ZNF254: variants seen among roughly 807,000 people sequenced by gnomAD.
ZNF254 encodes zinc finger protein 254.
A neutral mutation model predicts 12.4 loss-of-function variants in ZNF254; 10 were observed. That is an observed-to-expected ratio of 0.80 (90% CI 0.50 to 1.36). The LOEUF (loss-of-function observed/expected upper bound fraction) is 1.36, where lower values mean the gene tolerates loss of function less well. Ranked by LOEUF, ZNF254 falls within the 40% of genes most tolerant of loss-of-function variation. The pLI, the probability that ZNF254 is intolerant of heterozygous loss-of-function variation, is 0.00. For synonymous variants in ZNF254, 305 were observed against 253.4 expected (o/e 1.20, Z -1.93); for missense variants, 996 against 763.9 (o/e 1.30, Z -3.58).
chr19:24,045,944 T>A lies in ZNF254; in HGVS notation c.-189-240T>A, dbSNP rs544871236. 2.0e-3 allele frequency among the ~76,000 whole-genome samples: 308 copies of A among 152,212 alleles called. 1 individual carries two copies. Among genetic ancestry groups the A allele is most frequent in the African/African-American group, 7.2e-3 (299 of 41,532 alleles). On this transcript the variant is annotated intron_variant, in intron 1 of 4. Coordinates refer to the ZNF254 transcript ENST00000613065. ...AAGTTTGTTGATGTAGAAAAAAATCTTCCTAGTGTTTCCAGCCCTCCCCCT... is the reference window on the plus strand; with the variant it reads ...AAGTTTGTTGATGTAGAAAAAAATCATCCTAGTGTTTCCAGCCCTCCCCCT...
intron 1 of ZNF254, chr19:24,105,166 A>T (rs1287095889): frequency 6.3e-6 from 1 of 159,744 alleles, no homozygotes; most frequent in Non-Finnish European, 1.4e-5. Flanking sequence ...GCTCTCTTAC[A>T]GATTTTTTCA....
At chr19:24,055,650 C>G (rs943537096) in intron 2 of ZNF254, among the ~76,000 whole-genome samples, 1 of 152,110 alleles carries the variant, frequency 6.6e-6, no homozygotes, top group Non-Finnish European at 1.5e-5. Context: ...ACACAGCCCA[C>G]TTTTGAAGTT....
chr19:24,077,292 C>A (rs925276727), intron 2 of ZNF254, among the ~76,000 whole-genome samples: 12 of 152,082 alleles, frequency 7.9e-5, no homozygotes, highest in African/African-American at 2.7e-4. Flanking sequence ...AGACTGTACC[C>A]CAACCACCTT....
chr19:24,102,275 A>C (rs1373688718), intron 1 of ZNF254, among the ~76,000 whole-genome samples: 3 of 150,872 alleles, frequency 2.0e-5, no homozygotes, highest in Non-Finnish European at 3.0e-5. Context: ...TTATCTTCTA[A>C]ATTATTCTAG....
At chr19:24,098,134 A>T (rs1972781285) in intron 1 of ZNF254, among the ~76,000 whole-genome samples, 1 of 152,250 alleles carries the variant, frequency 6.6e-6, no homozygotes, top group Non-Finnish European at 1.5e-5. Flanking sequence ...TATGAGTAGT[A>T]CATTAAAATT....
intron 3 of ZNF254, among the ~76,000 whole-genome samples, chr19:24,115,138 C>G (rs1057292667): frequency 2.0e-5 from 3 of 152,118 alleles, no homozygotes; most frequent in Non-Finnish European, 4.4e-5. Flanking sequence ...GGATCTAGAA[C>G]TAGAAATACC....
intron 2 of ZNF254, among the ~76,000 whole-genome samples, chr19:24,060,500 C>T (rs1190542311): frequency 6.6e-6 from 1 of 152,182 alleles, no homozygotes; most frequent in Non-Finnish European, 1.5e-5. Flanking sequence ...TATCTCTTGG[C>T]CCATCAACTA....
In ZNF254 at chr19:24,128,924, A is replaced by G. The variant is rs1975070297; in HGVS notation, c.*944A>G. 6.6e-6 allele frequency: 1 copy of G among 152,074 alleles called. No homozygotes were observed. The highest frequency in any genetic ancestry group is 2.1e-4 in the South Asian group (1 of 4,838). 9.4% of individuals were successfully genotyped at this position (152,074 alleles called of 1,614,324 possible). On this transcript the variant is annotated 3_prime_UTR_variant, in exon 4 of 4. Transcript: ENST00000357002. ...AAATACAGATTTTTTTTAAAAGTGAATAATGTGTTCAACTCTTAAATTCAT... is the reference window on the plus strand; with the variant it reads ...AAATACAGATTTTTTTTAAAAGTGAGTAATGTGTTCAACTCTTAAATTCAT...
chr19:24,120,034 C>G (rs1042546316), intron 3 of ZNF254, among the ~76,000 whole-genome samples: 1 of 151,938 alleles, frequency 6.6e-6, no homozygotes, highest in African/African-American at 2.4e-5. Context: ...TGAGACTGGG[C>G]AATTTACAAA....
intron 2 of ZNF254, among the ~76,000 whole-genome samples, chr19:24,064,888 G>T (rs1971214629): frequency 6.6e-6 from 1 of 152,148 alleles, no homozygotes; most frequent in African/African-American, 2.4e-5. Flanking sequence ...TTTCCTGTGT[G>T]GGCTCTCACA....
chr19:24,107,385 A>G (rs944600598), intron 3 of ZNF254: 2 of 414,250 alleles, frequency 4.8e-6, no homozygotes, highest in Admixed American at 4.4e-5. Context: ...TCATTGATAT[A>G]TCTTTCACTT....
upstream of ZNF254, among the ~76,000 whole-genome samples, chr19:24,086,461 A>G (rs1421034802): frequency 6.6e-6 from 1 of 151,674 alleles, no homozygotes; most frequent in Non-Finnish European, 1.5e-5. Context: ...GTGCGCCACC[A>G]TGCCCAGCTA....
intron 1 of ZNF254, among the ~76,000 whole-genome samples, chr19:24,101,499 A>C (rs966532576): frequency 4.6e-5 from 7 of 152,220 alleles, no homozygotes; most frequent in Admixed American, 1.3e-4. Flanking sequence ...TGATGGCAGA[A>C]TCTCTTAAGT....
chr19:24,045,306 CT>C (rs1970336207), intron 1 of ZNF254, among the ~76,000 whole-genome samples: 2 of 152,142 alleles, frequency 1.3e-5, no homozygotes, highest in Admixed American at 1.3e-4. Flanking sequence ...ATCTTTTTAA[CT>C]TTTTGCCTGT....
intron 3 of ZNF254, among the ~76,000 whole-genome samples, chr19:24,121,436 G>A (rs1372842194): frequency 6.6e-6 from 1 of 152,038 alleles, no homozygotes; most frequent in Non-Finnish European, 1.5e-5. Context: ...TCATAATTGT[G>A]CATGACAATA....
chr19:24,129,549 A>G lies in ZNF254; in HGVS notation c.*1569A>G, dbSNP rs1975103751. 6.6e-6 allele frequency: 1 copy of G among 151,920 alleles called. No individual in the cohort carries two copies. Among genetic ancestry groups the G allele is most frequent in the African/African-American group, 2.4e-5 (1 of 41,396 alleles). 9.4% of individuals were successfully genotyped at this position (151,920 alleles called of 1,614,324 possible). ...GTTAAATTTTTATTCTTATTTTCAC[A>G]TTTAAATTTATTTTTCTTAATTTTT... On this transcript the variant is annotated 3_prime_UTR_variant, in exon 4 of 4. Coordinates refer to ENST00000357002, the MANE Select transcript of ZNF254 (RefSeq NM_203282.4).
chr19:24,068,782 T>A (rs1031384865), intron 2 of ZNF254, among the ~76,000 whole-genome samples: 1 of 152,194 alleles, frequency 6.6e-6, no homozygotes, highest in Non-Finnish European at 1.5e-5. Flanking sequence ...TTGGGACATA[T>A]ATCTTGCTTC....
upstream of ZNF254, among the ~76,000 whole-genome samples, chr19:24,084,856 G>C (rs908844691): frequency 2.0e-5 from 3 of 151,442 alleles, no homozygotes; most frequent in Non-Finnish European, 2.9e-5. Context: ...CAAATTCCTG[G>C]GCTTAAGCAG....
At chr19:24,071,586 AGG>A (rs1430121995) in intron 2 of ZNF254, among the ~76,000 whole-genome samples, 1 of 152,210 alleles carries the variant, frequency 6.6e-6, no homozygotes, top group Non-Finnish European at 1.5e-5. Flanking sequence ...GCTCTAATTT[AGG>A]TAGACTGCTG....
Sources: gnomAD v4.1 joint callset for allele counts (sites outside exome capture counted in the v4.1 genomes callset) on GRCh38, gnomAD v4.1.1 for gene constraint, MANE v1.5 for transcripts, NCBI Gene and HGNC (gene_info 2026-07-23, HGNC 2026-07-21) for gene names.